SNAPC3: variants seen among roughly 807,000 people sequenced by gnomAD.
SNAPC3 encodes the protein small nuclear RNA activating complex polypeptide 3.
Under a neutral mutation model 47.7 loss-of-function variants are expected in SNAPC3, and 56 were observed. The ratio of observed to expected loss-of-function variants is 1.18; its 90% CI spans 0.95 to 1.47. The LOEUF (loss-of-function observed/expected upper bound fraction) is 1.47. Ranked by LOEUF, SNAPC3 falls within the 40% of genes most tolerant of loss-of-function variation. SNAPC3 has a pLI of 0.00. For missense variants in SNAPC3, 665 were observed against 511.3 expected, an observed-to-expected ratio of 1.30 and a Z score of -2.90; for synonymous variants, 235 against 189.9, an observed-to-expected ratio of 1.24 and a Z score of -1.95.
intron 3 of SNAPC3, among the ~76,000 whole-genome samples, chr9:15,440,521 A>T (rs2033229805): frequency 6.6e-6 from 1 of 152,226 alleles, no homozygotes; most frequent in Admixed American, 6.5e-5. Context: ...CAAAAAAGAA[A>T]AACAAAAGTA....
chr9:15,435,084 G>C (rs933012286), intron 3 of SNAPC3, among the ~76,000 whole-genome samples: 1 of 152,014 alleles, frequency 6.6e-6, no homozygotes, highest in African/African-American at 2.4e-5. Context: ...GTGTTTTCTA[G>C]CTTTTTTTTA....
chr9:15,445,510 A>G (rs1032030026), intron 4 of SNAPC3, among the ~76,000 whole-genome samples: 2 of 152,206 alleles, frequency 1.3e-5, no homozygotes, highest in Non-Finnish European at 2.9e-5. Context: ...GAGTGTATAT[A>G]TTCTTGATTC....
intron 5 of SNAPC3, among the ~76,000 whole-genome samples, chr9:15,449,563 A>ATATATTTT (rs1481688749): frequency 2.5e-5 from 1 of 39,524 alleles, no homozygotes; most frequent in African/African-American, 1.1e-4. Context: ...ATATATATAT[A>ATATATTTT]TTTTTTTTTT....
chr9:15,462,098 C>G (rs899096503), downstream of SNAPC3: 17 of 152,156 alleles, frequency 1.1e-4, no homozygotes, highest in Admixed American at 7.2e-4. Flanking sequence ...TCATTTCATA[C>G]TCTCAAAACA....
chr9:15,463,511 G>A (rs1346191945), downstream of SNAPC3: 1 of 122,978 alleles, frequency 8.1e-6, no homozygotes, highest in Non-Finnish European at 1.9e-5. Flanking sequence ...GGTGGGGTGG[G>A]GTGGGGTGGG....
At chr9:15,451,243 A>G (rs149665171) in intron 5 of SNAPC3, 77 bp from the exon 6 acceptor site, 93 of 548,316 alleles carry the variant, frequency 1.7e-4, no homozygotes, top group African/African-American at 1.3e-3. Flanking sequence ...TGATATATCT[A>G]TTTTGAATTA....
downstream of SNAPC3, chr9:15,465,642 G>A: frequency 7.5e-7 from 1 of 1,341,886 alleles, no homozygotes. Context: ...AGGAAAAAAA[G>A]ACATTAAGTC....
chr9:15,423,120 C>A lies in SNAPC3; in HGVS notation c.241C>A (p.Arg81=). Residue 81 remains arginine (R), a synonymous_variant, in exon 1 of 9, where the codon CGG becomes AGG. Transcript: ENST00000380821. ...TGGGAGCCAGGCAGCTGACTCCGAC[C>A]GGGAGGATGCCGCGGTGGCCAGGGA... The part of the protein sequence containing the change: ...LPGSQAADSD[R]EDAAVARDLD... 1 of 1,554,388 alleles carries A rather than the reference C, an allele frequency of 6.4e-7. No homozygotes were observed. The highest frequency in any genetic ancestry group is 8.6e-7 in the Non-Finnish European group (1 of 1,161,580).
chr9:15,438,897 A>G (rs2033067994), intron 3 of SNAPC3, among the ~76,000 whole-genome samples: 1 of 151,916 alleles, frequency 6.6e-6, no homozygotes. Context: ...TTCTTTATTG[A>G]TCTTCTATCT....
At chr9:15,430,154 C>T (rs1028576901) in intron 2 of SNAPC3, among the ~76,000 whole-genome samples, 4 of 152,160 alleles carry the variant, frequency 2.6e-5, no homozygotes, top group African/African-American at 7.2e-5. Flanking sequence ...TAACAGGTTG[C>T]GTGCAGTGGC....
intron 7 of SNAPC3, among the ~76,000 whole-genome samples, chr9:15,454,444 G>T (rs1313445532): frequency 1.3e-5 from 2 of 152,168 alleles, no homozygotes; most frequent in Non-Finnish European, 2.9e-5. Flanking sequence ...GACATAAAAG[G>T]GATTCTCAGA....
Position 15,444,688 on chromosome 9 carries a change from C to T in SNAPC3, c.564C>T (p.Tyr188=). Reference sequence around the variant, plus strand: ...TTATCCTATCTGTGAATATCTTGTACCCTGTTATATTTCATAAGGTAAGTA... The same window carrying T: ...TTATCCTATCTGTGAATATCTTGTATCCTGTTATATTTCATAAGGTAAGTA... The part of the protein sequence containing the change: ...GELILSVNIL[Y]PVIFHKHKEH... Residue 188 remains tyrosine (Y), a synonymous_variant, in exon 4 of 9, where the codon TAC becomes TAT. Coordinates refer to ENST00000380821, the MANE Select transcript of SNAPC3 (RefSeq NM_001039697.2). 2 of 1,590,676 alleles carry T rather than the reference C, an allele frequency of 1.3e-6. No homozygotes were observed. The highest frequency in any genetic ancestry group is 1.7e-6 in the Non-Finnish European group (2 of 1,159,414).
At chr9:15,463,937 TAGTTACCCCGTTTCCCAAAACAGCAC>T (rs2035431135), downstream of SNAPC3, 1 of 161,852 alleles carries the variant, frequency 6.2e-6, no homozygotes, top group Non-Finnish European at 1.4e-5. Flanking sequence ...GCTTACTGTT[TAGTTACCCCGTTTCCCAAAACAGCAC>T]AACCTCTGTG....
downstream of SNAPC3, chr9:15,465,383 C>CAAAGAT (rs148418830): frequency 0.012 from 8,388 of 716,276 alleles, 529 homozygotes; most frequent in African/African-American, 0.14. Context: ...TACTTTAAAA[C>CAAAGAT]AAAGGGATTT....
At chr9:15,433,114 C>T (rs1318918690) in intron 2 of SNAPC3, among the ~76,000 whole-genome samples, 2 of 151,798 alleles carry the variant, frequency 1.3e-5, no homozygotes, top group African/African-American at 4.8e-5. Flanking sequence ...GCGGTCAAAC[C>T]CAAATTGAAG....
Position 15,433,542 on chromosome 9 carries a change from T to C in SNAPC3, c.393-10T>C. ...CTTTGATTTTTTTTTTTCTTTTACA[T>C]CTACAACAGGGTTAGAAAAAGGTTC... On this transcript the variant is annotated splice_polypyrimidine_tract_variant and intron_variant, in intron 2 of 8. Coordinates refer to ENST00000380821, the MANE Select transcript of SNAPC3 (RefSeq NM_001039697.2). 6.5e-7 allele frequency: 1 copy of C among 1,531,822 alleles called. No individual in the cohort carries two copies. The highest frequency in any genetic ancestry group is 1.2e-5 in the South Asian group (1 of 84,864). 94.9% of individuals were successfully genotyped at this position (1,531,822 alleles called of 1,614,324 possible).
chr9:15,423,746 T>C (rs1336794293), intron 1 of SNAPC3, among the ~76,000 whole-genome samples, 163 bp from the exon 2 acceptor site: 2 of 152,240 alleles, frequency 1.3e-5, no homozygotes, highest in Non-Finnish European at 2.9e-5. Context: ...CATTATAAAA[T>C]ATAATCACAG....
chr9:15,429,612 G>A (rs536799455), intron 2 of SNAPC3, among the ~76,000 whole-genome samples: 19 of 152,262 alleles, frequency 1.2e-4, no homozygotes, highest in African/African-American at 4.3e-4. Context: ...TAAAAAATGT[G>A]AGTAGAAAGG....
intron 3 of SNAPC3, among the ~76,000 whole-genome samples, chr9:15,443,969 T>C (rs946032967): frequency 2.0e-5 from 3 of 152,202 alleles, no homozygotes; most frequent in African/African-American, 7.2e-5. Context: ...TCCAGCTTAC[T>C]GGTTGCTTCT....
Sources: allele counts gnomAD v4.1 joint callset (sites outside exome capture counted in the v4.1 genomes callset), GRCh38; gene constraint gnomAD v4.1.1; transcripts MANE v1.5; gene names NCBI Gene and HGNC (gene_info 2026-07-23, HGNC 2026-07-21).